Variants in SP140 observed in about 807,000 individuals in gnomAD.
SP140 encodes SP140 nuclear body protein.
SP140 carries 81 observed loss-of-function variants against 125.0 expected under a neutral mutation model. That is an observed-to-expected ratio of 0.65 (90% CI 0.54 to 0.78). SP140 has a LOEUF of 0.78. Ranked by LOEUF, SP140 falls within the 30% of genes least tolerant of loss-of-function variation. The pLI is 0.00. For missense variants in SP140, 858 were observed against 1,037.0 expected (o/e 0.83, Z 2.37); for synonymous variants, 312 against 354.0 (o/e 0.88, Z 1.33).
chr2:230,303,601 C>T (rs1314999826), intron 22 of SP140, among the ~76,000 whole-genome samples: 1 of 151,932 alleles, frequency 6.6e-6, no homozygotes, highest in Middle Eastern at 3.2e-3. Context: ...CAGGAAAGGG[C>T]ATAGCTCATG....
chr2:230,253,512 C>G, intron 11 of SP140, 95 bp downstream of exon 11: 1 of 894,758 alleles, frequency 1.1e-6, no homozygotes, highest in Non-Finnish European at 1.8e-6. Context: ...CTACCCTTCT[C>G]TTCTTCACAT....
rs147616410 is a variant in SP140 at position 230,257,833 on chromosome 2, G to A, written c.1240+2301G>A. The stretch of plus-strand genomic sequence containing the variant: ...AACGAAAGGCTGAATTTATTGTTCA[G>A]TTAAGGGATAGTTGTGCTTGTGGGT... On this transcript the variant is annotated intron_variant, in intron 12 of 26. Coordinates refer to ENST00000392045, the MANE Select transcript of SP140 (RefSeq NM_007237.5). Among the ~76,000 whole-genome samples, 880 of 152,178 alleles carry A rather than the reference G, an allele frequency of 5.8e-3. 10 individuals carry two copies. The highest frequency in any genetic ancestry group is 0.02 in the African/African-American group (833 of 41,524).
chr2:230,312,187 A>G (rs1399828913), intron 26 of SP140, among the ~76,000 whole-genome samples: 18 of 152,238 alleles, frequency 1.2e-4, no homozygotes, highest in Non-Finnish European at 2.4e-4. Context: ...GTTAATAAGA[A>G]AGGATCATGC....
chr2:230,238,206 T>A lies in SP140; in HGVS notation c.238-7T>A, dbSNP rs887868898. 1 of 1,583,536 alleles carries A rather than the reference T, an allele frequency of 6.3e-7. No individual in the cohort carries two copies. Among genetic ancestry groups the A allele is most frequent in the Non-Finnish European group, 8.6e-7 (1 of 1,164,406 alleles). ...AGCTACATAATTCTCCATTTAATATTTTTAAGCATTTTCAAGAAGCTTTTA... is the reference window on the plus strand; with the variant it reads ...AGCTACATAATTCTCCATTTAATATATTTAAGCATTTTCAAGAAGCTTTTA... On this transcript the variant is annotated splice_region_variant and splice_polypyrimidine_tract_variant and intron_variant, in intron 2 of 26. Coordinates refer to ENST00000392045, the MANE Select transcript of SP140 (RefSeq NM_007237.5).
At chr2:230,217,313 TGGGCAGATCTAAAG>T (rs1487319076) in intron 3 of SP140, among the ~76,000 whole-genome samples, 1 of 150,962 alleles carries the variant, frequency 6.6e-6, no homozygotes, top group Admixed American at 6.6e-5. Context: ...CTGCATTAAA[TGGGCAGATCTAAAG>T]GTAAGCATTC....
At chr2:230,280,545 G>C (rs1387794375) in intron 15 of SP140, among the ~76,000 whole-genome samples, 2 of 151,926 alleles carry the variant, frequency 1.3e-5, no homozygotes, top group African/African-American at 4.8e-5. Flanking sequence ...TTCTCTATTT[G>C]TATCTTTCGT....
upstream of SP140, chr2:230,200,460 A>G (rs2148848154): frequency 1.1e-5 from 2 of 185,666 alleles, no homozygotes; most frequent in South Asian, 1.0e-4. Context: ...ATTTTCTCAG[A>G]AAGGCCACAT....
rs976196817 is a variant in SP140, at chr2:230,260,641, A to G, written c.1240+5109A>G. Among the ~76,000 whole-genome samples, 3 of 152,224 alleles carry G rather than the reference A, an allele frequency of 2.0e-5. No individual in the cohort carries two copies. In the East Asian group the frequency reaches 5.8e-4, roughly 29 times the overall value. On this transcript the variant is annotated intron_variant, in intron 12 of 26. Transcript: ENST00000392045. ...TGTATAAGGTGAGAGATGAGGATCC[A>G]GTTTCATTCTCCTACATGTGGCTTG...
At chr2:230,277,429 C>T (rs748161514) in intron 15 of SP140, among the ~76,000 whole-genome samples, 1 of 152,152 alleles carries the variant, frequency 6.6e-6, no homozygotes, top group Non-Finnish European at 1.5e-5. Context: ...TAATATACCA[C>T]AGTATAGTGT....
intron 3 of SP140, chr2:230,216,643 C>T: frequency 1.9e-6 from 2 of 1,030,264 alleles, no homozygotes; most frequent in African/African-American, 3.1e-5. Flanking sequence ...CTAACTACCC[C>T]CACCTTCTGT....
intron 14 of SP140, 116 bp from the exon 15 acceptor site, chr2:230,270,470 G>A: frequency 9.3e-7 from 1 of 1,069,626 alleles, no homozygotes; most frequent in Non-Finnish European, 1.4e-6. Context: ...AGAAAGAGAG[G>A]AATGATTATC....
At chr2:230,242,064 G>T (rs17329429) in intron 4 of SP140, among the ~76,000 whole-genome samples, 17,825 of 152,104 alleles carry the variant, frequency 0.12, 1,260 homozygotes, top group South Asian at 0.2. Context: ...AGTGAAATGG[G>T]AGAAACAGAA....
chr2:230,284,266 T>C, intron 15 of SP140, 80 bp from the exon 16 acceptor site: 3 of 1,371,760 alleles, frequency 2.2e-6, no homozygotes, highest in Non-Finnish European at 2.0e-6. Flanking sequence ...AAAAAAAATC[T>C]TTAATACTAT....
intron 22 of SP140, among the ~76,000 whole-genome samples, chr2:230,298,198 T>G (rs2057938813): frequency 6.6e-6 from 1 of 152,218 alleles, no homozygotes; most frequent in Non-Finnish European, 1.5e-5. Context: ...CTGCTTTGGA[T>G]TCTGCCAAAA....
chr2:230,303,582 T>C, intron 22 of SP140, among the ~76,000 whole-genome samples: 1 of 152,022 alleles, frequency 6.6e-6, no homozygotes, highest in East Asian at 1.9e-4. Flanking sequence ...ATCACCCTAA[T>C]ACCAAAACCA....
intron 3 of SP140, chr2:230,216,699 T>G: frequency 3.2e-6 from 5 of 1,550,390 alleles, no homozygotes; most frequent in Non-Finnish European, 4.4e-6. Flanking sequence ...CTGGAAGCCC[T>G]GGTGGTTTGT....
At chr2:230,226,647 A>G (rs1434886040) in intron 1 of SP140, among the ~76,000 whole-genome samples, 1 of 151,836 alleles carries the variant, frequency 6.6e-6, no homozygotes. Context: ...CTGTAATTCC[A>G]GCTACTCAGG....
chr2:230,310,400 C>T (rs2149627290), intron 23 of SP140: 3 of 502,390 alleles, frequency 6.0e-6, no homozygotes, highest in East Asian at 3.8e-5. Flanking sequence ...TCTCATTGGG[C>T]TGTTGGAGGC....
At chr2:230,223,069 G>T (rs376225410), upstream of SP140, among the ~76,000 whole-genome samples, 9 of 148,500 alleles carry the variant, frequency 6.1e-5, no homozygotes, top group East Asian at 1.8e-3. Flanking sequence ...ACAGAGTCAC[G>T]GTCTGTCTCC....
Sources: gnomAD v4.1 joint callset for allele counts (sites outside exome capture counted in the v4.1 genomes callset) on GRCh38, gnomAD v4.1.1 for gene constraint, MANE v1.5 for transcripts, NCBI Gene and HGNC (gene_info 2026-07-23, HGNC 2026-07-21) for gene names.